Variants in AASDH observed in about 807,000 individuals in gnomAD.
AASDH encodes the protein beta-alanine-activating enzyme.
A neutral mutation model predicts 102.3 loss-of-function variants in AASDH; 81 were observed. That is an observed-to-expected ratio of 0.79 (90% CI 0.66 to 0.95). The LOEUF is 0.95. AASDH is among the 40% of genes least tolerant of loss of function. The pLI, the probability that AASDH is intolerant of heterozygous loss-of-function variation, is 0.00. For synonymous variants in AASDH, 398 were observed against 454.0 expected (o/e 0.88, Z 1.57); for missense variants, 1,203 against 1,266.2 (o/e 0.95, Z 0.76).
At chr4:56,384,390 G>T in intron 1 of AASDH, 49 bp from the exon 2 acceptor site, 1 of 1,054,392 alleles carries the variant, frequency 9.5e-7, no homozygotes, top group Non-Finnish European at 1.4e-6. Flanking sequence ...TAGAGAGCTC[G>T]GTGGAGGGAC....
intron 4 of AASDH, among the ~76,000 whole-genome samples, chr4:56,373,200 C>T (rs990192550): frequency 7.2e-5 from 11 of 152,114 alleles, no homozygotes; most frequent in Admixed American, 3.9e-4. Context: ...AGTGCAGTGG[C>T]ATGATCTCGG....
At chr4:56,356,051 ACCTTT>A (rs1749594230) in intron 5 of AASDH, 1 of 516,248 alleles carries the variant, frequency 1.9e-6, no homozygotes, top group African/African-American at 1.9e-5. Context: ...AAATCAATTT[ACCTTT>A]CCTTTCTTAC....
At chr4:56,347,664 G>A (rs1247279822) in intron 11 of AASDH, among the ~76,000 whole-genome samples, 1 of 152,042 alleles carries the variant, frequency 6.6e-6, no homozygotes, top group African/African-American at 2.4e-5. Context: ...CACTTTGGGA[G>A]GCTGAGGTGG....
At chr4:56,377,369 A>C (rs1344970847) in intron 4 of AASDH, among the ~76,000 whole-genome samples, 2 of 152,184 alleles carry the variant, frequency 1.3e-5, no homozygotes, top group South Asian at 2.1e-4. Context: ...AAACTCCACA[A>C]TACTACTACA....
intron 3 of AASDH, among the ~76,000 whole-genome samples, chr4:56,378,686 C>G (rs566931222): frequency 6.6e-6 from 1 of 151,940 alleles, no homozygotes; most frequent in Non-Finnish European, 1.5e-5. Context: ...TTTAAATGAT[C>G]TCTAGATTAC....
intron 8 of AASDH, 87 bp downstream of exon 8, chr4:56,353,952 A>T (rs1347283583): frequency 7.9e-7 from 1 of 1,259,736 alleles, no homozygotes; most frequent in Admixed American, 3.0e-5. Context: ...AGGTGTAAAT[A>T]ATAGAGACCC....
At chr4:56,381,647 T>TCACACACACACACACA (rs1491305464) in intron 3 of AASDH, 7 of 27,334 alleles carry the variant, frequency 2.6e-4, no homozygotes, top group African/African-American at 7.3e-4. Flanking sequence ...TCTTGACACT[T>TCACACACACACACACA]CTCACACACA....
chr4:56,343,469 A>C (rs1747945378), intron 13 of AASDH, 93 bp downstream of exon 13: 1 of 1,010,762 alleles, frequency 9.9e-7, no homozygotes, highest in African/African-American at 1.6e-5. Flanking sequence ...ACTACAATTA[A>C]CTGAAAACTA....
At chr4:56,343,198 A>G (rs1747904161) in intron 13 of AASDH, among the ~76,000 whole-genome samples, 1 of 152,154 alleles carries the variant, frequency 6.6e-6, no homozygotes, top group Admixed American at 6.6e-5. Flanking sequence ...CTAGCACCTA[A>G]GAGTTATCCC....
intron 5 of AASDH, among the ~76,000 whole-genome samples, chr4:56,358,976 A>C (rs1219018391): frequency 6.6e-6 from 1 of 152,146 alleles, no homozygotes; most frequent in Non-Finnish European, 1.5e-5. Context: ...ATGTATTTGG[A>C]AGCAAGTTTT....
rs756074038 is a variant in AASDH, at chr4:56,342,926, G to C, written c.2816C>G (p.Pro939Arg). The change falls in exon 14 of 15, where the codon CCA becomes CGA. Residue 939 changes from proline to arginine, a missense_variant. Pro to Arg is a moderately radical substitution (Grantham distance 103, BLOSUM62 -2). Coordinates refer to ENST00000205214, the MANE Select transcript of AASDH (RefSeq NM_181806.4). ...NVIWKHSCGKPLFSSPQCCSQ... is the reference protein window; with the variant it reads ...NVIWKHSCGKRLFSSPQCCSQ... ...GCAACATTGTGGGGAAGAGAAGAGT[G>C]GTTTTCCACAGGAATGTTTCCAAAT... The C allele has an allele frequency of 2.5e-6, 4 of 1,594,268 alleles. No individual in the cohort carries two copies. The highest frequency in any genetic ancestry group is 3.4e-6 in the Non-Finnish European group (4 of 1,170,494).
intron 5 of AASDH, among the ~76,000 whole-genome samples, chr4:56,359,492 T>TG (rs921590650): frequency 2.6e-5 from 4 of 151,970 alleles, no homozygotes; most frequent in African/African-American, 4.8e-5. Context: ...TAACCTCAGA[T>TG]GATACTCCCA....
chr4:56,376,856 A>G (rs1410388451), intron 4 of AASDH, among the ~76,000 whole-genome samples: 1 of 151,862 alleles, frequency 6.6e-6, no homozygotes, highest in Non-Finnish European at 1.5e-5. Flanking sequence ...TCACGAGGTC[A>G]GGAGATCGAG....
At position 56,384,052 on chromosome 4, in the gene AASDH, A is replaced by G. The variant is rs777811137; in HGVS notation, c.230+18T>C. The G allele has an allele frequency of 2.5e-6, 4 of 1,587,876 alleles. No homozygotes were observed. The highest frequency in any genetic ancestry group is 4.5e-5 in the East Asian group (2 of 44,638). ...TAGCTTGGAGTAACATCAAATTTAC[A>G]GTTCTAAAAAATATTACCCTAAAAT... On this transcript the variant is annotated intron_variant, in intron 2 of 14. Transcript: ENST00000205214.
chr4:56,339,513 G>C (rs1747379529), intron 14 of AASDH, among the ~76,000 whole-genome samples: 1 of 152,078 alleles, frequency 6.6e-6, no homozygotes, highest in African/African-American at 2.4e-5. Context: ...CATTTTGGGA[G>C]GCCAAGGCAG....
At chr4:56,377,316 T>C (rs1752476818) in intron 4 of AASDH, among the ~76,000 whole-genome samples, 1 of 152,184 alleles carries the variant, frequency 6.6e-6, no homozygotes, top group Non-Finnish European at 1.5e-5. Flanking sequence ...ATTAAGAATG[T>C]CAACTTTGGA....
At chr4:56,350,170 A>G in intron 10 of AASDH, 112 bp from the exon 11 acceptor site, 2 of 1,012,060 alleles carry the variant, frequency 2.0e-6, no homozygotes, top group Non-Finnish European at 1.4e-6. Flanking sequence ...AATTAGAAAT[A>G]TAGGTCGGGT....
chr4:56,353,136 A>C (rs1415104357), intron 9 of AASDH, among the ~76,000 whole-genome samples: 1 of 152,030 alleles, frequency 6.6e-6, no homozygotes, highest in Non-Finnish European at 1.5e-5. Context: ...GAGTGGCTGA[A>C]ACTACAGGCG....
intron 2 of AASDH, among the ~76,000 whole-genome samples, chr4:56,383,840 T>C (rs1296327091): frequency 3.3e-5 from 5 of 152,170 alleles, no homozygotes; most frequent in East Asian, 3.8e-4. Flanking sequence ...GAGATACTTA[T>C]ACGTTCTATT....
Sources: gnomAD v4.1 joint callset for allele counts (sites outside exome capture counted in the v4.1 genomes callset) on GRCh38, gnomAD v4.1.1 for gene constraint, MANE v1.5 for transcripts, NCBI Gene and HGNC (gene_info 2026-07-23, HGNC 2026-07-21) for gene names.